Variants in AZIN2 observed in about 807,000 individuals in gnomAD.
AZIN2 encodes the protein ODC antizyme inhibitor-2.
Under a neutral mutation model 47.8 loss-of-function variants are expected in AZIN2, and 28 were observed. That is an observed-to-expected ratio of 0.59 (90% CI 0.43 to 0.80). AZIN2 has a LOEUF of 0.80. Among genes scored for constraint, AZIN2 ranks in the 30% least tolerant of loss-of-function variants. The pLI is 0.00. For synonymous variants in AZIN2, 221 were observed against 239.4 expected, an observed-to-expected ratio of 0.92 and a Z score of 0.71; for missense variants, 535 against 582.5, an observed-to-expected ratio of 0.92 and a Z score of 0.84.
At chr1:33,165,572 A>G in the AZIN2 span, 1 of 1,603,424 alleles carries the variant, frequency 6.2e-7, no homozygotes, top group Non-Finnish European at 8.5e-7. The surrounding 1 kb of genome is among the most constrained non-coding windows in gnomAD (Gnocchi z 4.0). Context: ...TCCCTCTGAA[A>G]CACACACAGG....
chr1:33,118,162 C>A, intron 11 of AZIN2, 46 bp downstream of exon 11: 2 of 1,482,752 alleles, frequency 1.3e-6, no homozygotes, highest in South Asian at 1.4e-5. Flanking sequence ...AGGAACTGGG[C>A]AGAAACGAGG....
At chr1:33,086,502 C>T (rs1237151176) in intron 5 of AZIN2, among the ~76,000 whole-genome samples, 2 of 152,318 alleles carry the variant, frequency 1.3e-5, no homozygotes, top group East Asian at 1.9e-4. Flanking sequence ...GGTGGCTCCC[C>T]GACTTACAGC....
intron 4 of AZIN2, 126 bp downstream of exon 4, chr1:33,082,480 AAG>A (rs548714508): frequency 7.3e-5 from 48 of 655,506 alleles, no homozygotes; most frequent in Non-Finnish European, 1.2e-4. Context: ...TGCTATTTGC[AAG>A]AGAGGGGCTC....
chr1:33,117,016 T>G (rs2124663305), intron 10 of AZIN2, among the ~76,000 whole-genome samples: 1 of 152,362 alleles, frequency 6.6e-6, no homozygotes, highest in East Asian at 1.9e-4. Context: ...CTGTGGCAAA[T>G]GGCACTGATA....
intron 10 of AZIN2, among the ~76,000 whole-genome samples, chr1:33,107,897 C>T (rs1644094020): frequency 6.6e-6 from 1 of 152,154 alleles, no homozygotes; most frequent in African/African-American, 2.4e-5. Context: ...AATGTCCATA[C>T]TACCCAAAGC....
chr1:33,111,103 T>C (rs975463401), intron 10 of AZIN2, among the ~76,000 whole-genome samples: 1 of 152,220 alleles, frequency 6.6e-6, no homozygotes, highest in Non-Finnish European at 1.5e-5. Flanking sequence ...GGGAGAATCT[T>C]GCTGGAAGGT....
downstream of AZIN2, among the ~76,000 whole-genome samples, chr1:33,124,403 T>G (rs1345471383): frequency 2.1e-5 from 3 of 141,566 alleles, no homozygotes; most frequent in Non-Finnish European, 4.7e-5. This position sits in a 1 kb window ranked among gnomAD's most constrained non-coding sequence, Gnocchi z 4.6. Context: ...GTATTCAAAA[T>G]AAAAAAAAGA....
chr1:33,092,387 C>T (rs1029217099), intron 6 of AZIN2, among the ~76,000 whole-genome samples, 165 bp downstream of exon 6: 2 of 151,542 alleles, frequency 1.3e-5, no homozygotes, highest in African/African-American at 4.9e-5. Context: ...GGCAGGTCAC[C>T]CTGTCCTGGA....
chr1:33,081,259 G>C lies in AZIN2; in HGVS notation c.-441G>C, dbSNP rs143058185. On this transcript the variant is annotated 5_prime_UTR_variant, in exon 1 of 12. Transcript: ENST00000294517. This position sits in a 1 kb window ranked among gnomAD's most constrained non-coding sequence, Gnocchi z 4.2. ...GAGGATCCGATTCACTCCCTGGGGA[G>C]ACCTATGGGCCGAAGCCGTGTAAAT... 0.024 allele frequency: 3,605 copies of C among 153,170 alleles called. 59 individuals are homozygous for C. Among genetic ancestry groups the C allele is most frequent in the Middle Eastern group, 0.034 (10 of 296 alleles). 9.5% of individuals were successfully genotyped at this position (153,170 alleles called of 1,614,324 possible).
At chr1:33,129,920 G>A in the AZIN2 span, among the ~76,000 whole-genome samples, 1 of 152,000 alleles carries the variant, frequency 6.6e-6, no homozygotes, top group Non-Finnish European at 1.5e-5. The surrounding 1 kb of genome is among the most constrained non-coding windows in gnomAD (Gnocchi z 4.1). Context: ...AGTGCAGTGG[G>A]GTCATCTTGG....
In AZIN2 at chr1:33,096,793, C is replaced by G; in HGVS notation, c.840C>G (p.Tyr280Ter). The change falls in exon 9 of 12, where the codon TAC becomes TAG. Residue 280 changes from tyrosine (Y) to a stop codon, truncating the protein, a stop_gained. Transcript: ENST00000294517. LOFTEE classifies it high-confidence loss of function. ...TCTTTGCTGAGCTGGGGCGCTACTA[C>G]GTGACCTCGGCCTTCACTGTGGCAG... ...VDIFAELGRY[Y>*]VTSAFTVAVS... The G allele has an allele frequency of 6.2e-7, 1 of 1,614,214 alleles. No individual in the cohort carries two copies. The highest frequency in any genetic ancestry group is 8.5e-7 in the Non-Finnish European group (1 of 1,180,050).
chr1:33,138,166 G>A, the AZIN2 span, among the ~76,000 whole-genome samples: 96 of 152,168 alleles, frequency 6.3e-4, no homozygotes, highest in African/African-American at 2.1e-3. Flanking sequence ...GAGCAAGAGC[G>A]TTCTGGGCAT....
At chr1:33,096,979 A>G in intron 9 of AZIN2, 110 bp downstream of exon 9, 1 of 1,330,108 alleles carries the variant, frequency 7.5e-7, no homozygotes, top group Non-Finnish European at 1.1e-6. Context: ...GGGAATCTGG[A>G]GAATGAATGG....
chr1:33,137,065 A>G, the AZIN2 span, among the ~76,000 whole-genome samples: 1 of 151,884 alleles, frequency 6.6e-6, no homozygotes, highest in African/African-American at 2.4e-5. Flanking sequence ...GTTGGCCAGG[A>G]GACACAGAGC....
At chr1:33,126,895 T>C (rs1490976591), downstream of AZIN2, among the ~76,000 whole-genome samples, 1 of 152,230 alleles carries the variant, frequency 6.6e-6, no homozygotes, top group Non-Finnish European at 1.5e-5. Context: ...GTCGTTTACC[T>C]GAAATTCAAC....
chr1:33,127,394 A>G (rs1243562203), downstream of AZIN2, among the ~76,000 whole-genome samples: 1 of 152,250 alleles, frequency 6.6e-6, no homozygotes, highest in Non-Finnish European at 1.5e-5. Flanking sequence ...GACCGACTTT[A>G]CCAAACGGTG....
At chr1:33,082,048 C>A (rs1641321165) in intron 3 of AZIN2, 130 bp from the exon 4 acceptor site, 3 of 594,644 alleles carry the variant, frequency 5.0e-6, no homozygotes, top group East Asian at 2.9e-5. Flanking sequence ...TTTCTCCACC[C>A]TTGCCCAGTG....
chr1:33,114,866 C>T (rs1644467091), intron 10 of AZIN2, among the ~76,000 whole-genome samples: 2 of 151,480 alleles, frequency 1.3e-5, no homozygotes, highest in Non-Finnish European at 1.5e-5. Flanking sequence ...TGGCCTCAAA[C>T]TCCTGACCTC....
chr1:33,148,089 T>C, the AZIN2 span, among the ~76,000 whole-genome samples: 13 of 152,120 alleles, frequency 8.5e-5, no homozygotes, highest in Non-Finnish European at 1.3e-4. Context: ...GATGATCCAG[T>C]TGCTACTGCC....
Sources: gnomAD v4.1 joint callset for allele counts (sites outside exome capture counted in the v4.1 genomes callset) on GRCh38, gnomAD v4.1.1 for gene constraint, Gnocchi (gnomAD v3.1) non-coding constraint, MANE v1.5 for transcripts, NCBI Gene and HGNC (gene_info 2026-07-23, HGNC 2026-07-21) for gene names.